WDR36: variants seen among roughly 807,000 people sequenced by gnomAD.
The protein encoded by WDR36 is WD repeat-containing protein 36.
A neutral mutation model predicts 112.7 loss-of-function variants in WDR36; 63 were observed. The ratio of observed to expected loss-of-function variants is 0.56; its 90% CI spans 0.46 to 0.69. The LOEUF (loss-of-function observed/expected upper bound fraction) is 0.69. WDR36 is among the 30% of genes least tolerant of loss of function. WDR36 has a pLI of 0.00. For synonymous variants in WDR36, 410 were observed against 362.2 expected (o/e 1.13, Z -1.50); for missense variants, 1,226 against 1,070.3 (o/e 1.15, Z -2.03).
chr5:111,125,673 T>C lies in WDR36; in HGVS notation c.2416T>C (p.Leu806=). ...PSGIETELRS[L]SPDCGGSIEV... is the part of the protein sequence containing the mutation. ...AGGAATTGAAACAGAGCTGCGAAGC[T>C]TGTCTCCTGATTGTGGTGGGTCCAT... The change falls in exon 22 of 23, where the codon TTG becomes CTG. Residue 806 remains leucine (L), a synonymous_variant. Transcript: ENST00000513710. 1 of 1,613,922 alleles carries C rather than the reference T, an allele frequency of 6.2e-7. No homozygotes were observed. The highest frequency in any genetic ancestry group is 8.5e-7 in the Non-Finnish European group (1 of 1,179,872).
Position 111,092,578 on chromosome 5 carries a change from A to T in WDR36, c.122A>T (p.Tyr41Phe). The T allele has an allele frequency of 3.1e-6, 5 of 1,614,142 alleles. No individual in the cohort carries two copies. The highest frequency in any genetic ancestry group is 4.2e-6 in the Non-Finnish European group (5 of 1,180,038). Reference protein sequence around the residue: ...VRFSALKRRFYVTTCVGKSFH... With the variant: ...VRFSALKRRFFVTTCVGKSFH... ...TTCAGCGCGCTCAAGCGCCGGTTCT[A>T]TGTAACAACCTGCGTGGGCAAGAGT... Residue 41 changes from tyrosine (Y) to phenylalanine (F), a missense_variant, in exon 1 of 23, where the codon TAT (tyrosine) becomes TTT (phenylalanine). Physicochemically the swap from Tyr to Phe is conservative, Grantham distance 22. Transcript: ENST00000513710.
At chr5:111,095,870 T>C (rs1752966984) in intron 2 of WDR36, among the ~76,000 whole-genome samples, 1 of 152,172 alleles carries the variant, frequency 6.6e-6, no homozygotes, top group African/African-American at 2.4e-5. Flanking sequence ...TTAAACTATC[T>C]AATAGAATAA....
At chr5:111,096,165 A>G (rs1752974048) in intron 2 of WDR36, among the ~76,000 whole-genome samples, 1 of 152,212 alleles carries the variant, frequency 6.6e-6, no homozygotes, top group Non-Finnish European at 1.5e-5. Context: ...GGAAATGAAA[A>G]GGTCAGTGTG....
At chr5:111,092,739 C>T (rs1358990532) in intron 1 of WDR36, 121 bp downstream of exon 1, 1 of 1,198,508 alleles carries the variant, frequency 8.3e-7, no homozygotes, top group East Asian at 2.5e-5. Flanking sequence ...TAACCCCTCC[C>T]TGTCCTATTA....
Position 111,107,413 on chromosome 5 carries a change from T to C in WDR36, c.1300T>C (p.Leu434=), listed in dbSNP as rs142407572. The change falls in exon 12 of 23, where the codon TTG becomes CTG. Residue 434 remains leucine (L), a synonymous_variant. Coordinates refer to ENST00000513710, the MANE Select transcript of WDR36 (RefSeq NM_139281.3). ...CGCTTACTTTCTCAAGCCAAAAGAGTTGAAGAAAGATGACATAACTGCAAC... is the reference window on the plus strand; with the variant it reads ...CGCTTACTTTCTCAAGCCAAAAGAGCTGAAGAAAGATGACATAACTGCAAC... The part of the protein sequence containing the change: ...IGAYFLKPKE[L]KKDDITATAV... The C allele has an allele frequency of 6.2e-7, 1 of 1,610,040 alleles. No individual in the cohort carries two copies. Among genetic ancestry groups the C allele is most frequent in the Non-Finnish European group, 8.5e-7 (1 of 1,177,442 alleles).
chr5:111,100,654 A>G lies in WDR36; in HGVS notation c.475A>G (p.Thr159Ala). ...FKISAILHPS[T>A]YLNKILLGSE... ...AATTTCTGCAATTTTGCATCCAAGT[A>G]CCTACTTGAATAAAATACTTCTGGG... is the stretch of plus-strand genomic sequence containing the variant. Residue 159 changes from threonine to alanine, a missense_variant, in exon 5 of 23, where the codon ACC (threonine) becomes GCC (alanine). By Grantham distance (58) the Thr-to-Ala change is moderately conservative. Coordinates refer to ENST00000513710, the MANE Select transcript of WDR36 (RefSeq NM_139281.3). 6.2e-7 allele frequency: 1 copy of G among 1,607,776 alleles called. No individual in the cohort carries two copies. The highest frequency in any genetic ancestry group is 8.5e-7 in the Non-Finnish European group (1 of 1,176,090).
chr5:111,093,448 A>G (rs1002631011), intron 1 of WDR36, among the ~76,000 whole-genome samples: 6 of 152,206 alleles, frequency 3.9e-5, no homozygotes, highest in Admixed American at 3.9e-4. Flanking sequence ...CTTATTAGCA[A>G]AAAGAGCTGG....
rs1753689686 is a variant in WDR36, at chr5:111,126,980, GCTAGCA to G, written c.*101_*106del. On this transcript the variant is annotated 3_prime_UTR_variant, in exon 23 of 23. Coordinates refer to ENST00000513710, the MANE Select transcript of WDR36 (RefSeq NM_139281.3). ...GTGTCAATGTGAAAAGAAAATAAAT[GCTAGCA>G]CTACTGACTAGTCAGTATATCTCCA... is the stretch of plus-strand genomic sequence containing the variant. 2.5e-6 allele frequency: 3 copies of G among 1,203,474 alleles called. No individual in the cohort carries two copies. Among genetic ancestry groups the G allele is most frequent in the Non-Finnish European group, 3.5e-6 (3 of 868,220 alleles). The allele number at this position is 1,203,474 out of a possible 1,614,324, so 74.5% of individuals were successfully genotyped here.
intron 12 of WDR36, 77 bp downstream of exon 12, chr5:111,107,516 A>G (rs1753243622): frequency 6.4e-7 from 1 of 1,561,002 alleles, no homozygotes; most frequent in Non-Finnish European, 8.7e-7. Flanking sequence ...AAGGTTTCTC[A>G]TCATAATATT....
At position 111,103,845 on chromosome 5, in the gene WDR36, C is replaced by A; in HGVS notation, c.657C>A (p.Asn219Lys). 1 of 1,611,412 alleles carries A rather than the reference C, an allele frequency of 6.2e-7. No individual in the cohort carries two copies. The highest frequency in any genetic ancestry group is 8.5e-7 in the Non-Finnish European group (1 of 1,178,270). ...TGTCAGGTCAAGTTATCATTCACAA[C>A]ATTAAATTTAATGAAACATTAATGA... ...GLMSGQVIIHNIKFNETLMKF... is the reference protein window; with the variant it reads ...GLMSGQVIIHKIKFNETLMKF... The change falls in exon 7 of 23, where the codon AAC becomes AAA. Residue 219 changes from asparagine (N) to lysine (K), a missense_variant. Physicochemically the swap from Asn to Lys is moderately conservative, Grantham distance 94. Coordinates refer to ENST00000513710, the MANE Select transcript of WDR36 (RefSeq NM_139281.3).
At position 111,128,896 on chromosome 5, in the gene WDR36, C is replaced by T. The variant is rs927470357; in HGVS notation, c.*2013C>T. The T allele has an allele frequency of 1.6e-5, 3 of 192,164 alleles. No individual in the cohort carries two copies. The highest frequency in any genetic ancestry group is 7.0e-5 in the African/African-American group (3 of 43,068). 11.9% of individuals were successfully genotyped at this position (192,164 alleles called of 1,614,324 possible). On this transcript the variant is annotated 3_prime_UTR_variant, in exon 23 of 23. Transcript: ENST00000513710. ...GCTTTTTGAAAACCATCTTCAGTCCCAATATCCTCTGTAGAAGTAATAGTT... is the reference window on the plus strand; with the variant it reads ...GCTTTTTGAAAACCATCTTCAGTCCTAATATCCTCTGTAGAAGTAATAGTT...
chr5:111,094,864 G>C, intron 1 of WDR36, 56 bp from the exon 2 acceptor site: 1 of 1,397,538 alleles, frequency 7.2e-7, no homozygotes, highest in Non-Finnish European at 1.0e-6. Context: ...TCAGGTGTTA[G>C]GTTATTATGA....
At chr5:111,105,630 T>A (rs1012177733) in intron 10 of WDR36, among the ~76,000 whole-genome samples, 15 of 151,562 alleles carry the variant, frequency 9.9e-5, no homozygotes, top group African/African-American at 3.6e-4. Flanking sequence ...TCACTTGAGC[T>A]ATCTGTAGAG....
intron 12 of WDR36, among the ~76,000 whole-genome samples, chr5:111,108,824 T>G (rs556630852): frequency 6.6e-6 from 1 of 151,420 alleles, no homozygotes; most frequent in Admixed American, 6.6e-5. Flanking sequence ...CATTCTAGAA[T>G]CTATATTCTT....
At chr5:111,106,188 T>C in intron 11 of WDR36, 45 bp downstream of exon 11, 1 of 1,479,660 alleles carries the variant, frequency 6.8e-7, no homozygotes. Flanking sequence ...CCTTTGTCAT[T>C]TATTTCCTAC....
intron 12 of WDR36, among the ~76,000 whole-genome samples, chr5:111,108,932 G>C (rs1753271406): frequency 6.6e-6 from 1 of 151,292 alleles, no homozygotes; most frequent in Admixed American, 6.6e-5. Context: ...CAGCTATCTG[G>C]AGCAAAGCTA....
chr5:111,116,161 C>T (rs1412451408), intron 16 of WDR36, among the ~76,000 whole-genome samples: 1 of 151,606 alleles, frequency 6.6e-6, no homozygotes, highest in African/African-American at 2.4e-5. Flanking sequence ...TGTGGCCAGG[C>T]TGATCTCAAA....
chr5:111,124,267 T>G, intron 21 of WDR36, 78 bp downstream of exon 21: 1 of 1,178,218 alleles, frequency 8.5e-7, no homozygotes, highest in South Asian at 1.4e-5. Flanking sequence ...GAAGGAAATA[T>G]CAGCGTTCTC....
At chr5:111,123,442 C>G (rs1035245201) in intron 19 of WDR36, among the ~76,000 whole-genome samples, 3 of 152,126 alleles carry the variant, frequency 2.0e-5, no homozygotes, top group Non-Finnish European at 2.9e-5. Context: ...GCTTTCCATC[C>G]TGTTTTGTGA....
Sources: allele counts gnomAD v4.1 joint callset (sites outside exome capture counted in the v4.1 genomes callset), GRCh38; gene constraint gnomAD v4.1.1; transcripts MANE v1.5; gene names NCBI Gene and HGNC (gene_info 2026-07-23, HGNC 2026-07-21).